Variants in KCNC1 observed in about 807,000 individuals in gnomAD.
KCNC1 encodes potassium voltage-gated channel subfamily C member 1.
Under a neutral mutation model 43.4 loss-of-function variants are expected in KCNC1, and 8 were observed. The ratio of observed to expected loss-of-function variants is 0.18; its 90% confidence interval spans 0.11 to 0.33. The LOEUF (loss-of-function observed/expected upper bound fraction) is 0.33. Ranked by LOEUF, KCNC1 falls within the 10% of genes least tolerant of loss-of-function variation. The probability of loss-of-function intolerance (pLI) is 1.00; values close to 1 mark genes in which losing one functional copy is unlikely to be tolerated. For missense variants in KCNC1, 420 were observed against 836.0 expected (o/e 0.50, Z 6.14); for synonymous variants, 361 against 360.5 (o/e 1.00, Z -0.01).
At position 17,779,661 on chromosome 11, in the gene KCNC1, G is replaced by A; in HGVS notation, c.1693+17G>A. ...TGAGAAAGGGTATGTAGAGGAAGCT[G>A]GAGCACCGTGCATCGTCCGGGCCGC... is the stretch of plus-strand genomic sequence containing the variant. On this transcript the variant is annotated intron_variant, in intron 3 of 3. Coordinates refer to ENST00000265969, the MANE Select transcript of KCNC1 (RefSeq NM_001112741.2). The surrounding 1 kb of genome is among the most constrained non-coding windows in gnomAD (Gnocchi z 7.2). The A allele has an allele frequency of 6.6e-7, 1 of 1,507,664 alleles. No individual in the cohort carries two copies. Among genetic ancestry groups the A allele is most frequent in the Non-Finnish European group, 8.9e-7 (1 of 1,123,060 alleles). The allele number at this position is 1,507,664 out of a possible 1,614,324, so 93.4% of individuals were successfully genotyped here. A position where few individuals can be genotyped will look rare whatever the true frequency, so the allele number is the denominator to read the frequency against.
chr11:17,771,734 C>A lies in KCNC1; in HGVS notation c.640C>A (p.Arg214Ser), dbSNP rs772042572. 6 of 1,613,618 alleles carry A rather than the reference C, an allele frequency of 3.7e-6. No homozygotes were observed. The highest frequency in any genetic ancestry group is 4.2e-6 in the Non-Finnish European group (5 of 1,179,594). Reference sequence around the variant, plus strand: ...CACCTTCTGCCTGGAGACCCACGAGCGCTTCAACCCCATCGTGAACAAGAC... The same window carrying A: ...CACCTTCTGCCTGGAGACCCACGAGAGCTTCAACCCCATCGTGAACAAGAC... ...ITTFCLETHE[R>S]FNPIVNKTEI... The change falls in exon 2 of 4, where the codon CGC (arginine) becomes AGC (serine). Residue 214 changes from arginine (R) to serine (S), a missense_variant. By Grantham distance (110) the Arg-to-Ser change is moderately radical. Around this residue, in one of 5 missense-constraint regions of KCNC1, gnomAD observed 151 missense variants for 216.7 expected, o/e 0.70. Coordinates refer to ENST00000265969, the MANE Select transcript of KCNC1 (RefSeq NM_001112741.2). The surrounding 1 kb of genome is among the most constrained non-coding windows in gnomAD (Gnocchi z 4.7).
At chr11:17,740,932 G>A (rs1590091375) in intron 1 of KCNC1, among the ~76,000 whole-genome samples, 1 of 152,160 alleles carries the variant, frequency 6.6e-6, no homozygotes, top group Admixed American at 6.5e-5. Flanking sequence ...GGTCCCAGCC[G>A]ACACAGGGCT....
rs1005393712 is a variant in KCNC1, at chr11:17,777,749, T to A, written c.1505-1707T>A. Reference sequence around the variant, plus strand: ...GCTTTGCCATCTTGTACGAAAGACTTTTTTTTTAAGTTCCAAAATTATGAT... The same window carrying A: ...GCTTTGCCATCTTGTACGAAAGACTATTTTTTTAAGTTCCAAAATTATGAT... On this transcript the variant is annotated intron_variant, in intron 2 of 3. Transcript: ENST00000265969. The surrounding 1 kb of genome is among the most constrained non-coding windows in gnomAD (Gnocchi z 4.3). 7 of 985,862 alleles carry A rather than the reference T, an allele frequency of 7.1e-6. No individual in the cohort carries two copies. In the East Asian group the frequency reaches 6.8e-4, roughly 96 times the overall value. The allele number at this position is 985,862 out of a possible 1,614,324, so 61.1% of individuals were successfully genotyped here. A position where few individuals can be genotyped will look rare whatever the true frequency, so the allele number is the denominator to read the frequency against.
In KCNC1 at chr11:17,736,961, A is replaced by C. The variant is rs1848775147; in HGVS notation, c.570+389A>C. ...CCCGTGAACATTTGTGTCTTTGCAG[A>C]GGTGCACTGTCAAAGTATGGACTGC... On this transcript the variant is annotated intron_variant, in intron 1 of 3. Coordinates refer to ENST00000265969, the MANE Select transcript of KCNC1 (RefSeq NM_001112741.2). The surrounding 1 kb of genome is among the most constrained non-coding windows in gnomAD (Gnocchi z 9.3). Among the ~76,000 whole-genome samples the C allele has an allele frequency of 6.6e-6, 1 of 152,176 alleles. No homozygotes were observed. Among genetic ancestry groups the C allele is most frequent in the East Asian group, 1.9e-4 (1 of 5,192 alleles).
intron 1 of KCNC1, among the ~76,000 whole-genome samples, chr11:17,760,696 C>T (rs980723605): frequency 5.9e-5 from 9 of 152,232 alleles, no homozygotes; most frequent in African/African-American, 2.2e-4. Flanking sequence ...GGTGGGACCT[C>T]TGCACGCGCT....
intron 1 of KCNC1, among the ~76,000 whole-genome samples, chr11:17,764,265 G>A (rs12789234): frequency 7.2e-4 from 95 of 131,168 alleles, no homozygotes; most frequent in Admixed American, 3.1e-3. Context: ...ACACACCACC[G>A]CACACAAAGT....
chr11:17,755,593 AAG>A (rs1849014721), intron 1 of KCNC1, among the ~76,000 whole-genome samples: 2 of 152,170 alleles, frequency 1.3e-5, no homozygotes, highest in South Asian at 4.2e-4. Context: ...ATGTGACAGA[AAG>A]AGATGTGTCA....
chr11:17,738,183 T>C lies in KCNC1; in HGVS notation c.570+1611T>C, dbSNP rs556801856. Reference sequence around the variant, plus strand: ...CTAGAACTCAATTCTCCTGGGACCCTATCCTCCCCTGGGCTGCCTACCAGC... The same window carrying C: ...CTAGAACTCAATTCTCCTGGGACCCCATCCTCCCCTGGGCTGCCTACCAGC... On this transcript the variant is annotated intron_variant, in intron 1 of 3. Transcript: ENST00000265969. 2.0e-5 allele frequency among the ~76,000 whole-genome samples: 3 copies of C among 152,242 alleles called. No individual in the cohort carries two copies. The East Asian group carries it at 5.8e-4, about 29-fold the overall frequency.
At chr11:17,745,499 A>G (rs961674606) in intron 1 of KCNC1, among the ~76,000 whole-genome samples, 1 of 151,990 alleles carries the variant, frequency 6.6e-6, no homozygotes, top group African/African-American at 2.4e-5. Context: ...TCTCAGCCCC[A>G]GCTGCCCCGC....
chr11:17,755,879 C>T (rs1849017212), intron 1 of KCNC1, among the ~76,000 whole-genome samples: 1 of 152,084 alleles, frequency 6.6e-6, no homozygotes, highest in Non-Finnish European at 1.5e-5. Flanking sequence ...ACTGGGTTAA[C>T]CACTAAGGAT....
chr11:17,744,839 A>T (rs1848879990), intron 1 of KCNC1, among the ~76,000 whole-genome samples: 1 of 151,894 alleles, frequency 6.6e-6, no homozygotes, highest in Non-Finnish European at 1.5e-5. Flanking sequence ...CCTCAGAATT[A>T]CCTGGGATGC....
intron 1 of KCNC1, among the ~76,000 whole-genome samples, chr11:17,750,134 G>A (rs1007193249): frequency 6.6e-6 from 1 of 152,202 alleles, no homozygotes; most frequent in African/African-American, 2.4e-5. Context: ...GTGTAAGATT[G>A]GATGATAGTT....
chr11:17,777,711 C>A lies in KCNC1; in HGVS notation c.1505-1745C>A, dbSNP rs1849301627. 2.0e-6 allele frequency: 2 copies of A among 985,882 alleles called. No homozygotes were observed. Among genetic ancestry groups the A allele is most frequent in the African/African-American group, 3.5e-5 (2 of 57,254 alleles). The allele number at this position is 985,882 out of a possible 1,614,324, so 61.1% of individuals were successfully genotyped here. The stretch of plus-strand genomic sequence containing the variant: ...CCCCTGGGATTTGTCGAGAAACGCA[C>A]TGTACGTGAAATGCTTTGCCATCTT... On this transcript the variant is annotated intron_variant, in intron 2 of 3. Coordinates refer to ENST00000265969, the MANE Select transcript of KCNC1 (RefSeq NM_001112741.2). The surrounding 1 kb of genome is among the most constrained non-coding windows in gnomAD (Gnocchi z 4.3).
At chr11:17,737,913 G>A (rs1486477880) in intron 1 of KCNC1, among the ~76,000 whole-genome samples, 1 of 148,522 alleles carries the variant, frequency 6.7e-6, no homozygotes, top group Admixed American at 6.6e-5. Flanking sequence ...GACTTGGGGG[G>A]ACCTCAAGTG....
rs556740358 is a variant in KCNC1, at chr11:17,773,358, A to G, written c.1504+760A>G. ...CTGTTTGGGTTGATGGTCGAGTGGG[A>G]GTTTCCGGTGACCCGATGGAAGCGG... On this transcript the variant is annotated intron_variant, in intron 2 of 3. Coordinates refer to ENST00000265969, the MANE Select transcript of KCNC1 (RefSeq NM_001112741.2). The surrounding 1 kb of genome is among the most constrained non-coding windows in gnomAD (Gnocchi z 4.1). 562 of 985,350 alleles carry G rather than the reference A, an allele frequency of 5.7e-4. 8 individuals are homozygous for G. In the South Asian group the frequency reaches 0.017, roughly 30 times the overall value. The allele number at this position is 985,350 out of a possible 1,614,324, so 61.0% of individuals were successfully genotyped here. A position where few individuals can be genotyped will look rare whatever the true frequency, so the allele number is the denominator to read the frequency against.
At chr11:17,763,658 G>A (rs1242702464) in intron 1 of KCNC1, among the ~76,000 whole-genome samples, 9 of 56,812 alleles carry the variant, frequency 1.6e-4, no homozygotes, top group Admixed American at 5.7e-4. Context: ...CACACCACAC[G>A]CAATAACACA....
intron 2 of KCNC1, chr11:17,774,370 C>A: frequency 1.0e-6 from 1 of 985,576 alleles, no homozygotes. Context: ...CCTTCCCCTG[C>A]ATCCTCCCCG....
chr11:17,749,516 C>A (rs1343184571), intron 1 of KCNC1, among the ~76,000 whole-genome samples: 1 of 152,230 alleles, frequency 6.6e-6, no homozygotes, highest in Non-Finnish European at 1.5e-5. Context: ...GGCCTCATCA[C>A]CAGAGCAGGG....
chr11:17,757,016 T>C (rs1292662078), intron 1 of KCNC1, among the ~76,000 whole-genome samples: 1 of 116,592 alleles, frequency 8.6e-6, no homozygotes, highest in African/African-American at 2.6e-5. Flanking sequence ...TTTTTTAATC[T>C]GCAAAATGGA....
Sources: gnomAD v4.1 joint callset for allele counts (sites outside exome capture counted in the v4.1 genomes callset) on GRCh38, gnomAD v4.1.1 for gene constraint, gnomAD v4.1.1 regional missense constraint, Gnocchi (gnomAD v3.1) non-coding constraint, MANE v1.5 for transcripts, NCBI Gene and HGNC (gene_info 2026-07-23, HGNC 2026-07-21) for gene names.